Variants in MAP7 observed in about 807,000 individuals in gnomAD.
MAP7 encodes ensconsin.
Under a neutral mutation model 94.8 loss-of-function variants are expected in MAP7, and 52 were observed. The observed-to-expected ratio is 0.55, with a 90% CI of 0.44 to 0.69. MAP7 has a LOEUF of 0.69. Ranked by LOEUF, MAP7 falls within the 30% of genes least tolerant of loss-of-function variation. The probability of loss-of-function intolerance (pLI) is 0.00; values close to 1 mark genes in which losing one functional copy is unlikely to be tolerated. For synonymous variants in MAP7, 350 were observed against 357.0 expected, an observed-to-expected ratio of 0.98 and a Z score of 0.22; for missense variants, 940 against 964.6, an observed-to-expected ratio of 0.97 and a Z score of 0.34.
chr6:136,443,400 C>A (rs746032370), intron 1 of MAP7, among the ~76,000 whole-genome samples: 6 of 149,200 alleles, frequency 4.0e-5, no homozygotes, highest in Non-Finnish European at 7.4e-5. Flanking sequence ...TTTCCAGATT[C>A]TTTCTTAAAA....
At position 136,365,784 on chromosome 6, in the gene MAP7, T is replaced by C. The variant is rs775058513; in HGVS notation, c.1224A>G (p.Glu408=). The change falls in exon 10 of 18, where the codon GAA becomes GAG. Residue 408 remains glutamate (E), a synonymous_variant. Coordinates refer to ENST00000354570, the MANE Select transcript of MAP7 (RefSeq NM_003980.6). The part of the protein sequence containing the change: ...LKGRAPLVKV[E]EATVEERTPA... ...GTGTCCGCTCTTCAACTGTGGCTTC[T>C]TCTACCTTCACTAAAGGTGCTCTGC... is the stretch of plus-strand genomic sequence containing the variant. The C allele has an allele frequency of 4.3e-6, 7 of 1,614,054 alleles. No individual in the cohort carries two copies. In the Admixed American group the frequency reaches 6.7e-5, roughly 15 times the overall value.
At chr6:136,427,410 C>G (rs1434446056) in intron 1 of MAP7, among the ~76,000 whole-genome samples, 1 of 152,184 alleles carries the variant, frequency 6.6e-6, no homozygotes, top group Non-Finnish European at 1.5e-5. Flanking sequence ...GGGGAAGCAG[C>G]TGCTTCATGG....
chr6:136,503,472 A>G (rs375251437), intron 1 of MAP7, among the ~76,000 whole-genome samples: 160 of 152,220 alleles, frequency 1.1e-3, no homozygotes, highest in African/African-American at 3.7e-3. Flanking sequence ...GTCAATGGAG[A>G]TGATAATTGC....
chr6:136,432,274 A>T (rs1346180924), intron 1 of MAP7, among the ~76,000 whole-genome samples: 1 of 152,142 alleles, frequency 6.6e-6, no homozygotes, highest in African/African-American at 2.4e-5. Flanking sequence ...AGCCTTCCAA[A>T]TGTCTTATTT....
At chr6:136,414,284 ATT>A (rs1788618432) in intron 2 of MAP7, among the ~76,000 whole-genome samples, 1 of 137,214 alleles carries the variant, frequency 7.3e-6, no homozygotes, top group Non-Finnish European at 1.6e-5. Context: ...AAAAAAAAAA[ATT>A]GGTTAAATGG....
chr6:136,374,962 C>T (rs1351361461), intron 7 of MAP7, among the ~76,000 whole-genome samples: 1 of 151,790 alleles, frequency 6.6e-6, no homozygotes, highest in African/African-American at 2.4e-5. Context: ...CTTCATATCC[C>T]AAATAGTTAA....
At chr6:136,508,414 G>T (rs958972312) in intron 1 of MAP7, among the ~76,000 whole-genome samples, 4 of 152,096 alleles carry the variant, frequency 2.6e-5, no homozygotes, top group African/African-American at 9.7e-5. Context: ...CTGAAGCATC[G>T]CTGTGATTCT....
chr6:136,404,275 C>G (rs1784973353), intron 3 of MAP7, among the ~76,000 whole-genome samples: 1 of 151,922 alleles, frequency 6.6e-6, no homozygotes, highest in Non-Finnish European at 1.5e-5. Context: ...CTTGACCACA[C>G]TCTTATTAGT....
At chr6:136,363,090 C>T (rs931449431) in intron 10 of MAP7, among the ~76,000 whole-genome samples, 10 of 152,180 alleles carry the variant, frequency 6.6e-5, no homozygotes, top group African/African-American at 9.7e-5. Context: ...CTTCGGTAAC[C>T]ATTCATTACT....
Position 136,366,305 on chromosome 6 carries a change from C to G in MAP7, c.989+22G>C, listed in dbSNP as rs375139213. 68 of 1,577,002 alleles carry G rather than the reference C, an allele frequency of 4.3e-5. No individual in the cohort carries two copies. The African/African-American group carries it at 8.5e-4, about 20-fold the overall frequency. On this transcript the variant is annotated intron_variant, in intron 9 of 17. Transcript: ENST00000354570. Reference sequence around the variant, plus strand: ...ATTCTCTAACATGAAACAACCCAGCCAGCCACTTATATTTCACTTACCAAA... The same window carrying G: ...ATTCTCTAACATGAAACAACCCAGCGAGCCACTTATATTTCACTTACCAAA...
chr6:136,466,514 C>G (rs771786842), intron 1 of MAP7, among the ~76,000 whole-genome samples: 1 of 151,678 alleles, frequency 6.6e-6, no homozygotes, highest in Non-Finnish European at 1.5e-5. Flanking sequence ...TCAAACGGCT[C>G]TAGGACATGA....
At chr6:136,405,512 A>G (rs1785326457) in intron 3 of MAP7, among the ~76,000 whole-genome samples, 1 of 152,254 alleles carries the variant, frequency 6.6e-6, no homozygotes, top group Admixed American at 6.5e-5. Context: ...GCAAGGAACC[A>G]GCATGGCTGG....
chr6:136,411,599 T>C lies in MAP7; in HGVS notation c.244+21A>G, dbSNP rs372369666. 8 of 1,553,116 alleles carry C rather than the reference T, an allele frequency of 5.2e-6. No homozygotes were observed. The East Asian group carries it at 9.7e-5, about 19-fold the overall frequency. On this transcript the variant is annotated intron_variant, in intron 3 of 17. Transcript: ENST00000354570. Reference sequence around the variant, plus strand: ...GTGACATCCATTCAAATCAGGGCCATGGACACGGGGCCTGGGGTACCTAGC... The same window carrying C: ...GTGACATCCATTCAAATCAGGGCCACGGACACGGGGCCTGGGGTACCTAGC...
Position 136,550,315 on chromosome 6 carries a change from C to G in MAP7, c.67+27G>C. ...GCTCGCCGTCCCCTGCCCGACGGGA[C>G]CCCCACTATCCCCGCTGTGCGGTCA... On this transcript the variant is annotated intron_variant, in intron 1 of 17. Transcript: ENST00000354570. The surrounding 1 kb of genome is among the most constrained non-coding windows in gnomAD (Gnocchi z 5.1). 2 of 1,490,886 alleles carry G rather than the reference C, an allele frequency of 1.3e-6. No individual in the cohort carries two copies. Among genetic ancestry groups the G allele is most frequent in the Non-Finnish European group, 1.8e-6 (2 of 1,125,554 alleles). The allele number at this position is 1,490,886 out of a possible 1,614,324, so 92.4% of individuals were successfully genotyped here.
chr6:136,485,555 ATTTTT>A (rs747333121), intron 1 of MAP7, among the ~76,000 whole-genome samples: 4 of 98,158 alleles, frequency 4.1e-5, no homozygotes, highest in Non-Finnish European at 5.6e-5. Flanking sequence ...TCCACTTCAG[ATTTTT>A]TTTTTTTTTT....
chr6:136,416,531 C>T (rs987403732), intron 2 of MAP7, among the ~76,000 whole-genome samples: 6 of 152,226 alleles, frequency 3.9e-5, no homozygotes, highest in Non-Finnish European at 7.4e-5. Flanking sequence ...GTCAGCCAGG[C>T]GCGGTGACTC....
At chr6:136,504,124 A>T (rs998939726) in intron 1 of MAP7, among the ~76,000 whole-genome samples, 2 of 152,178 alleles carry the variant, frequency 1.3e-5, no homozygotes, top group African/African-American at 2.4e-5. Flanking sequence ...TGTTAATATG[A>T]CATAATTTAT....
In MAP7 at chr6:136,497,787, G is replaced by A. The variant is rs1330916196; in HGVS notation, c.67+52555C>T. 1.5e-4 allele frequency among the ~76,000 whole-genome samples: 17 copies of A among 110,006 alleles called. No homozygotes were observed. The Admixed American group carries it at 2.3e-3, about 15-fold the overall frequency. 72.2% of individuals were successfully genotyped at this position (110,006 alleles called of 152,430 possible). A position where few individuals can be genotyped will look rare whatever the true frequency, so the allele number is the denominator to read the frequency against. ...GCACTCAGCCTGGGTGACAGAGCCA[G>A]ACTCTGTCACAAAAAAAAAAAAAAA... On this transcript the variant is annotated intron_variant, in intron 1 of 17. Transcript: ENST00000354570.
At chr6:136,441,770 T>A (rs1456149965) in intron 1 of MAP7, among the ~76,000 whole-genome samples, 1 of 152,076 alleles carries the variant, frequency 6.6e-6, no homozygotes, top group Non-Finnish European at 1.5e-5. Context: ...ATCCCAACAC[T>A]TTGGAAGGCT....
Sources: allele counts gnomAD v4.1 joint callset (sites outside exome capture counted in the v4.1 genomes callset), GRCh38; gene constraint gnomAD v4.1.1; non-coding constraint Gnocchi (gnomAD v3.1); transcripts MANE v1.5; gene names NCBI Gene and HGNC (gene_info 2026-07-23, HGNC 2026-07-21).